The following INPP4B variants were observed in gnomAD, a reference collection of about 807,000 sequenced individuals.
INPP4B encodes the protein inositol polyphosphate-4-phosphatase type II B, also known as inositol polyphosphate 4-phosphatase type II.
In INPP4B, 55 loss-of-function variants were observed where a neutral mutation model predicts 122.5. The ratio of observed to expected loss-of-function variants is 0.45; its 90% CI spans 0.36 to 0.56. INPP4B has a LOEUF of 0.56. Among genes scored for constraint, INPP4B ranks in the 20% least tolerant of loss-of-function variants. The pLI is 0.00. For synonymous variants in INPP4B, 403 were observed against 388.7 expected (o/e 1.04, Z -0.43); for missense variants, 1,000 against 1,097.7 (o/e 0.91, Z 1.26).
At chr4:142,252,898 AAGT>A (rs1248258989) in intron 11 of INPP4B, among the ~76,000 whole-genome samples, 1 of 152,172 alleles carries the variant, frequency 6.6e-6, no homozygotes, top group Non-Finnish European at 1.5e-5. Context: ...TGTTCTGAGA[AAGT>A]AGTCATTAGG....
intron 2 of INPP4B, among the ~76,000 whole-genome samples, chr4:142,536,715 CT>C (rs1177193579): frequency 6.6e-6 from 1 of 152,168 alleles, no homozygotes; most frequent in Non-Finnish European, 1.5e-5. Context: ...TGAAACTTCC[CT>C]GGTAGCCTGC....
At chr4:142,741,021 G>C (rs1767821746) in intron 1 of INPP4B, among the ~76,000 whole-genome samples, 1 of 151,938 alleles carries the variant, frequency 6.6e-6, no homozygotes. Context: ...AAAGTCCAAA[G>C]AAGCAACAAA....
At chr4:142,722,656 C>T (rs1764836385) in intron 2 of INPP4B, among the ~76,000 whole-genome samples, 1 of 152,102 alleles carries the variant, frequency 6.6e-6, no homozygotes, top group Admixed American at 6.5e-5. Flanking sequence ...TTAATCACTT[C>T]TCCATAAAAA....
chr4:142,791,643 A>G (rs945296882), intron 1 of INPP4B, among the ~76,000 whole-genome samples: 6 of 152,016 alleles, frequency 3.9e-5, no homozygotes, highest in Admixed American at 6.6e-5. Context: ...TTAATATCTT[A>G]CCCATATCTT....
At chr4:142,067,829 T>C (rs1376526347) in intron 25 of INPP4B, among the ~76,000 whole-genome samples, 1 of 152,176 alleles carries the variant, frequency 6.6e-6, no homozygotes, top group Non-Finnish European at 1.5e-5. Flanking sequence ...TATCGGACTA[T>C]GTGAAAAGAC....
intron 2 of INPP4B, among the ~76,000 whole-genome samples, chr4:142,491,280 T>C (rs1821837391): frequency 6.6e-6 from 1 of 152,150 alleles, no homozygotes; most frequent in African/African-American, 2.4e-5. Context: ...ACATAAGATC[T>C]GAAACTATAA....
chr4:142,687,896 G>A (rs1411475179), intron 2 of INPP4B, among the ~76,000 whole-genome samples: 1 of 152,102 alleles, frequency 6.6e-6, no homozygotes, highest in Non-Finnish European at 1.5e-5. Flanking sequence ...CAATGCTCGT[G>A]TGTTTCTCTC....
chr4:142,772,653 T>C (rs1439049818), intron 1 of INPP4B, among the ~76,000 whole-genome samples: 1 of 152,000 alleles, frequency 6.6e-6, no homozygotes, highest in Non-Finnish European at 1.5e-5. Flanking sequence ...AAGGTCTACA[T>C]AGGGAAATTG....
chr4:142,197,735 T>C (rs1183988726), intron 14 of INPP4B, among the ~76,000 whole-genome samples: 1 of 152,206 alleles, frequency 6.6e-6, no homozygotes, highest in Non-Finnish European at 1.5e-5. Flanking sequence ...ATCGTTACTT[T>C]AGTAGGTACT....
intron 2 of INPP4B, among the ~76,000 whole-genome samples, chr4:142,582,835 A>C (rs1735383672): frequency 6.6e-6 from 1 of 152,112 alleles, no homozygotes; most frequent in African/African-American, 2.4e-5. Context: ...GTTCCCTATA[A>C]AACCAAAATG....
At chr4:142,454,065 T>C (rs551443371) in intron 3 of INPP4B, among the ~76,000 whole-genome samples, 1 of 152,198 alleles carries the variant, frequency 6.6e-6, no homozygotes, top group East Asian at 1.9e-4. Flanking sequence ...TGTGTAAAAG[T>C]ATGATATGAT....
chr4:142,607,015 CAT>C (rs1741411512), intron 2 of INPP4B, among the ~76,000 whole-genome samples: 1 of 151,680 alleles, frequency 6.6e-6, no homozygotes, highest in African/African-American at 2.4e-5. Flanking sequence ...ATCTATATAA[CAT>C]TATGTCAATA....
intron 2 of INPP4B, among the ~76,000 whole-genome samples, chr4:142,530,578 T>C (rs201790137): frequency 0.055 from 6,058 of 109,480 alleles, 303 homozygotes; most frequent in African/African-American, 0.15. Flanking sequence ...TATATATATA[T>C]ACACACACAC....
At chr4:142,585,771 T>C (rs1020851870) in intron 2 of INPP4B, among the ~76,000 whole-genome samples, 9 of 151,880 alleles carry the variant, frequency 5.9e-5, no homozygotes, top group Admixed American at 1.3e-4. Flanking sequence ...TTCCATGACT[T>C]GAGTTAGGAG....
intron 7 of INPP4B, among the ~76,000 whole-genome samples, chr4:142,346,439 G>T (rs1780341585): frequency 6.6e-6 from 1 of 151,916 alleles, no homozygotes; most frequent in Admixed American, 6.6e-5. Flanking sequence ...AGAAATAAGA[G>T]AAATGAAATT....
chr4:142,672,425 G>GTGTT (rs375830005), intron 2 of INPP4B, among the ~76,000 whole-genome samples: 6 of 151,934 alleles, frequency 3.9e-5, no homozygotes, highest in Admixed American at 2.0e-4. Context: ...TTTTTTGGTG[G>GTGTT]TGTTTGTTTG....
In INPP4B at chr4:142,511,778, T is replaced by A. The variant is rs76766495; in HGVS notation, c.-190-49052A>T. On this transcript the variant is annotated intron_variant, in intron 2 of 25. Coordinates refer to ENST00000262992, the MANE Select transcript of INPP4B (RefSeq NM_001101669.3). ...TAAAAAATAGAAGTCTTCATAACAA[T>A]TACCACTATAGGATAGAGTTAAAAG... 6.9e-3 allele frequency among the ~76,000 whole-genome samples: 1,051 copies of A among 152,276 alleles called. 14 individuals carry two copies. Among genetic ancestry groups the A allele is most frequent in the African/African-American group, 0.024 (995 of 41,560 alleles).
chr4:142,594,810 C>A (rs1226166791), intron 2 of INPP4B, among the ~76,000 whole-genome samples: 1 of 151,784 alleles, frequency 6.6e-6, no homozygotes, highest in Non-Finnish European at 1.5e-5. Flanking sequence ...AAAAAATTAG[C>A]CGAGTGTGGT....
intron 5 of INPP4B, among the ~76,000 whole-genome samples, chr4:142,420,924 G>T (rs1008066039): frequency 3.4e-4 from 52 of 152,142 alleles, no homozygotes; most frequent in Non-Finnish European, 6.9e-4. Flanking sequence ...ATTCAAGGAA[G>T]TATTAATCAT....
Sources: gnomAD v4.1 joint callset for allele counts (sites outside exome capture counted in the v4.1 genomes callset) on GRCh38, gnomAD v4.1.1 for gene constraint, MANE v1.5 for transcripts, NCBI Gene and HGNC (gene_info 2026-07-23, HGNC 2026-07-21) for gene names.